Variants in PPM1L observed in about 807,000 individuals in gnomAD.
The protein encoded by PPM1L is protein phosphatase, Mg2+/Mn2+ dependent 1L, also known as protein phosphatase 1L.
A neutral mutation model predicts 31.4 loss-of-function variants in PPM1L; 13 were observed. The observed-to-expected ratio is 0.41, with a 90% CI of 0.27 to 0.66. PPM1L has a LOEUF of 0.66. PPM1L is among the 30% of genes least tolerant of loss of function. PPM1L has a pLI of 0.29. For missense variants in PPM1L, 326 were observed against 453.7 expected, an observed-to-expected ratio of 0.72 and a Z score of 2.56; for synonymous variants, 184 against 175.4, an observed-to-expected ratio of 1.05 and a Z score of -0.39.
chr3:160,936,193 G>A (rs201987396), intron 1 of PPM1L, among the ~76,000 whole-genome samples: 1 of 152,034 alleles, frequency 6.6e-6, no homozygotes, highest in African/African-American at 2.4e-5. Flanking sequence ...AGGTTCAAGC[G>A]ATTCTCCTGC....
chr3:160,939,394 T>C (rs1448263885), intron 1 of PPM1L, among the ~76,000 whole-genome samples: 1 of 152,200 alleles, frequency 6.6e-6, no homozygotes, highest in Non-Finnish European at 1.5e-5. Flanking sequence ...CCGCAACTCC[T>C]TACATCCCTC....
chr3:160,791,571 CA>C (rs1171898617), intron 1 of PPM1L, among the ~76,000 whole-genome samples: 1 of 152,078 alleles, frequency 6.6e-6, no homozygotes, highest in Non-Finnish European at 1.5e-5. Context: ...GGTATTGTTC[CA>C]GGGGCTGACA....
At chr3:161,018,997 GAACCCTTTTACTGAATAACTTCTATC>G in intron 2 of PPM1L, among the ~76,000 whole-genome samples, 1 of 152,318 alleles carries the variant, frequency 6.6e-6, no homozygotes, top group East Asian at 1.9e-4. Flanking sequence ...ATTGAGGCAT[GAACCCTTTTACTGAATAACTTCTATC>G]TATATTCAGC....
intron 2 of PPM1L, among the ~76,000 whole-genome samples, chr3:161,034,756 A>G (rs2108083497): frequency 6.6e-6 from 1 of 152,074 alleles, no homozygotes; most frequent in Admixed American, 6.5e-5. Context: ...AATGTAGATG[A>G]CGGGTTGATG....
chr3:160,970,445 ATAT>A (rs756557720), intron 2 of PPM1L, among the ~76,000 whole-genome samples: 2,488 of 33,412 alleles, frequency 0.074, 117 homozygotes, highest in African/African-American at 0.13. Flanking sequence ...ACCAAGCTGA[ATAT>A]TTTTTTTTTT....
At chr3:160,925,743 CAG>C (rs778585970) in intron 1 of PPM1L, among the ~76,000 whole-genome samples, 28 of 152,046 alleles carry the variant, frequency 1.8e-4, no homozygotes, top group Non-Finnish European at 3.8e-4. Context: ...ATAAGTAAGA[CAG>C]ATATTTTGGA....
At chr3:160,782,598 T>C (rs1430648469) in intron 1 of PPM1L, among the ~76,000 whole-genome samples, 1 of 152,254 alleles carries the variant, frequency 6.6e-6, no homozygotes, top group African/African-American at 2.4e-5. Context: ...ATACTTACAC[T>C]TATTTCTGAA....
intron 2 of PPM1L, among the ~76,000 whole-genome samples, chr3:160,999,477 C>T (rs753387579): frequency 6.6e-6 from 1 of 152,172 alleles, no homozygotes; most frequent in South Asian, 2.1e-4. Context: ...ATCTCTTACA[C>T]CCCAGTTATT....
intron 1 of PPM1L, among the ~76,000 whole-genome samples, chr3:160,890,094 G>C (rs979348474): frequency 1.3e-5 from 2 of 152,158 alleles, no homozygotes; most frequent in African/African-American, 2.4e-5. Flanking sequence ...ACAAGGCAAG[G>C]ATCCCCACTC....
chr3:160,756,573 A>C lies in PPM1L; in HGVS notation c.265A>C (p.Lys89Gln). 1 of 1,614,106 alleles carries C rather than the reference A, an allele frequency of 6.2e-7. No individual in the cohort carries two copies. Among genetic ancestry groups the C allele is most frequent in the Non-Finnish European group, 8.5e-7 (1 of 1,180,018 alleles). ...CGAGTTTTCCAAGACCTGGGAGTTC[A>C]AGAACCACAACGTGGCGGTGTACTC... ...EAEFSKTWEFKNHNVAVYSIQ... is the reference protein window; with the variant it reads ...EAEFSKTWEFQNHNVAVYSIQ... Residue 89 changes from lysine to glutamine, a missense_variant, in exon 1 of 4, where the codon AAG becomes CAG. Around this residue, in one of 3 missense-constraint regions of PPM1L, gnomAD observed 83 missense variants for 79.4 expected, o/e 1.04. Coordinates refer to ENST00000498165, the MANE Select transcript of PPM1L (RefSeq NM_139245.4). The surrounding 1 kb of genome is among the most constrained non-coding windows in gnomAD (Gnocchi z 6.2).
intron 1 of PPM1L, among the ~76,000 whole-genome samples, chr3:160,769,614 G>A (rs1417165962): frequency 6.6e-6 from 1 of 151,342 alleles, no homozygotes; most frequent in Non-Finnish European, 1.5e-5. Context: ...ACAACAAGGT[G>A]GGTTTTTTTT....
chr3:160,867,967 T>C (rs893744381), intron 1 of PPM1L, among the ~76,000 whole-genome samples: 50 of 152,332 alleles, frequency 3.3e-4, no homozygotes, highest in African/African-American at 1.1e-3. Context: ...ATTTTGCTTG[T>C]TGAAAAAAAC....
chr3:160,964,806 A>G (rs1716080463), intron 2 of PPM1L, among the ~76,000 whole-genome samples: 1 of 152,032 alleles, frequency 6.6e-6, no homozygotes, highest in Non-Finnish European at 1.5e-5. Context: ...TGAGTGAATG[A>G]GTGTTGCTGT....
chr3:160,823,403 G>A (rs906389341), intron 1 of PPM1L, among the ~76,000 whole-genome samples: 2 of 148,996 alleles, frequency 1.3e-5, no homozygotes, highest in East Asian at 3.9e-4. Context: ...AGTAGAGATC[G>A]GGTTTCGCCA....
intron 1 of PPM1L, among the ~76,000 whole-genome samples, chr3:160,779,976 A>G (rs1459908528): frequency 6.6e-6 from 1 of 152,106 alleles, no homozygotes; most frequent in Non-Finnish European, 1.5e-5. Context: ...TCATACATGT[A>G]AAGTACTTAA....
At chr3:160,914,660 G>A (rs1319586033) in intron 1 of PPM1L, among the ~76,000 whole-genome samples, 1 of 152,018 alleles carries the variant, frequency 6.6e-6, no homozygotes, top group East Asian at 1.9e-4. Flanking sequence ...TGGTGTATAT[G>A]TGCCACATTT....
intron 2 of PPM1L, among the ~76,000 whole-genome samples, chr3:160,972,415 G>A (rs889249110): frequency 7.9e-5 from 11 of 140,114 alleles, no homozygotes; most frequent in Non-Finnish European, 1.2e-4. Context: ...TGTTCTCATT[G>A]TTCATTTCCC....
intron 2 of PPM1L, among the ~76,000 whole-genome samples, chr3:161,037,175 A>T (rs773520805): frequency 1.3e-5 from 2 of 152,166 alleles, no homozygotes; most frequent in South Asian, 4.1e-4. Context: ...TAGTGAATGA[A>T]TATAGCAGAA....
intron 1 of PPM1L, among the ~76,000 whole-genome samples, chr3:160,899,647 TATTTAATAG>T (rs1340972366): frequency 6.6e-6 from 1 of 152,244 alleles, no homozygotes; most frequent in Non-Finnish European, 1.5e-5. Context: ...GCTCATGACT[TATTTAATAG>T]TTGTCAGAAT....
Sources: allele counts gnomAD v4.1 joint callset (sites outside exome capture counted in the v4.1 genomes callset), GRCh38; gene constraint gnomAD v4.1.1; regional missense constraint gnomAD v4.1.1; non-coding constraint Gnocchi (gnomAD v3.1); transcripts MANE v1.5; gene names NCBI Gene and HGNC (gene_info 2026-07-23, HGNC 2026-07-21).